The following ARAP3 variants were observed in gnomAD, a reference collection of about 807,000 sequenced individuals.
The protein encoded by ARAP3 is ArfGAP with RhoGAP domain, ankyrin repeat and PH domain 3, also known as arf-GAP with Rho-GAP domain, ANK repeat and PH domain-containing protein 3.
In ARAP3, 82 loss-of-function variants were observed where a neutral mutation model predicts 169.2. That is an observed-to-expected ratio of 0.48 (90% CI 0.41 to 0.58). ARAP3 has a LOEUF of 0.58. Among genes scored for constraint, ARAP3 ranks in the 20% least tolerant of loss-of-function variants. The probability of loss-of-function intolerance (pLI) is 0.00; values close to 1 mark genes in which losing one functional copy is unlikely to be tolerated. For missense variants in ARAP3, 1,764 were observed against 2,018.0 expected, an observed-to-expected ratio of 0.87 and a Z score of 2.41; for synonymous variants, 791 against 800.3, an observed-to-expected ratio of 0.99 and a Z score of 0.20.
chr5:141,664,387 A>G (rs2099910369), intron 19 of ARAP3, among the ~76,000 whole-genome samples: 1 of 152,124 alleles, frequency 6.6e-6, no homozygotes, highest in Non-Finnish European at 1.5e-5. Context: ...CCATCTCAAA[A>G]AAAAAGCAAA....
At position 141,672,537 on chromosome 5, in the gene ARAP3, T is replaced by C. The variant is rs1381453969; in HGVS notation, c.1385+15A>G. 7.4e-6 allele frequency: 12 copies of C among 1,613,494 alleles called. No homozygotes were observed. Among genetic ancestry groups the C allele is most frequent in the Non-Finnish European group, 1.0e-5 (12 of 1,179,748 alleles). Reference sequence around the variant, plus strand: ...AAAGTCCCCCAGCCTTGCCTCCCACTGGCCCAGGCCCCACCTGAAGCAGCG... The same window carrying C: ...AAAGTCCCCCAGCCTTGCCTCCCACCGGCCCAGGCCCCACCTGAAGCAGCG... On this transcript the variant is annotated intron_variant, in intron 9 of 32. Coordinates refer to ENST00000239440, the MANE Select transcript of ARAP3 (RefSeq NM_022481.6). The surrounding 1 kb of genome is among the most constrained non-coding windows in gnomAD (Gnocchi z 4.9).
At chr5:141,665,246 AGGTTGCAGAGTATG>A in intron 18 of ARAP3, 51 bp downstream of exon 18, 1 of 1,593,758 alleles carries the variant, frequency 6.3e-7, no homozygotes, top group Non-Finnish European at 8.6e-7. Context: ...CCAGCAGGCC[AGGTTGCAGAGTATG>A]GGCTCTGCTC....
chr5:141,673,278 ACAT>A, intron 6 of ARAP3, 120 bp downstream of exon 6: 3 of 1,555,738 alleles, frequency 1.9e-6, no homozygotes, highest in Non-Finnish European at 2.6e-6. Flanking sequence ...TTAAATGCTG[ACAT>A]CAGTCATGCA....
intron 6 of ARAP3, 60 bp from the exon 7 acceptor site, chr5:141,673,193 C>G: frequency 6.2e-7 from 1 of 1,609,104 alleles, no homozygotes; most frequent in Non-Finnish European, 8.5e-7. Context: ...GTGCCAGCCC[C>G]TGGGTCCTGC....
intron 4 of ARAP3, 59 bp downstream of exon 4, chr5:141,679,486 C>T (rs185916845): frequency 1.6e-5 from 24 of 1,520,290 alleles, no homozygotes; most frequent in Non-Finnish European, 1.5e-5. Context: ...TAACTGGATA[C>T]ATGGCCGCCA....
In ARAP3 at chr5:141,671,757, G is replaced by A. The variant is rs2154599063; in HGVS notation, c.1672-5C>T. 1 of 1,596,258 alleles carries A rather than the reference G, an allele frequency of 6.3e-7. No individual in the cohort carries two copies. Among genetic ancestry groups the A allele is most frequent in the Middle Eastern group, 1.7e-4 (1 of 5,954 alleles). On this transcript the variant is annotated splice_polypyrimidine_tract_variant and splice_region_variant and intron_variant, in intron 11 of 32. Coordinates refer to ENST00000239440, the MANE Select transcript of ARAP3 (RefSeq NM_022481.6). This position sits in a 1 kb window ranked among gnomAD's most constrained non-coding sequence, Gnocchi z 4.9. ...ATTTCCCAGGACAATGAATAACTGT[G>A]GGATGACAAGGGACAAAGGCAGGTG...
rs535335158 is a variant in ARAP3, at chr5:141,677,870, C to T, written c.698+1675G>A. Among the ~76,000 whole-genome samples the T allele has an allele frequency of 5.3e-4, 80 of 152,072 alleles. No homozygotes were observed. In the Middle Eastern group the frequency reaches 0.01, roughly 19 times the overall value. On this transcript the variant is annotated intron_variant, in intron 4 of 32. Coordinates refer to ENST00000239440, the MANE Select transcript of ARAP3 (RefSeq NM_022481.6). ...CATGATCTTGACTTGCTGCAACCTC[C>T]GCCTCCCGGGTTCAAGTGATTCTCC...
chr5:141,674,766 C>T (rs79066364), intron 4 of ARAP3, among the ~76,000 whole-genome samples: 4,200 of 152,278 alleles, frequency 0.028, 89 homozygotes, highest in Non-Finnish European at 0.046. Flanking sequence ...TATGTCTTGA[C>T]TCTTTGTCCA....
intron 32 of ARAP3, 24 bp downstream of exon 32, chr5:141,655,338 C>T (rs768062603): frequency 1.6e-5 from 25 of 1,567,984 alleles, no homozygotes; most frequent in South Asian, 4.7e-5. Flanking sequence ...ACAGGCACAC[C>T]GCTGGAGCAG....
intron 32 of ARAP3, among the ~76,000 whole-genome samples, chr5:141,654,750 T>G (rs1226000337): frequency 6.6e-6 from 1 of 151,952 alleles, no homozygotes; most frequent in East Asian, 1.9e-4. Context: ...CCTTTTTTTT[T>G]TTTTTTGAGA....
chr5:141,679,443 TG>T, intron 4 of ARAP3, 101 bp downstream of exon 4: 1 of 1,175,434 alleles, frequency 8.5e-7, no homozygotes, highest in Non-Finnish European at 1.2e-6. Context: ...CTTGAGTGCC[TG>T]GCTGGTGAAT....
Position 141,679,965 on chromosome 5 carries a change from G to A in ARAP3, c.522C>T (p.Asp174=), listed in dbSNP as rs770790898. Residue 174 remains aspartate (D), a splice_region_variant and synonymous_variant, in exon 2 of 33, where the codon GAC becomes GAT. Coordinates refer to ENST00000239440, the MANE Select transcript of ARAP3 (RefSeq NM_022481.6). ...CCTAGGGAGCCAACTCCACTCACTT[G>A]TCCTGAGCTGCCTGTGCCCTGCCTC... ...DSRGRAQAAQ[D]KAPDSSQISA... is the part of the protein sequence containing the mutation. 1.2e-6 allele frequency: 2 copies of A among 1,614,138 alleles called. No individual in the cohort carries two copies. Among genetic ancestry groups the A allele is most frequent in the Non-Finnish European group, 1.7e-6 (2 of 1,180,008 alleles).
chr5:141,665,447 A>C, intron 17 of ARAP3, 73 bp from the exon 18 acceptor site: 1 of 1,507,566 alleles, frequency 6.6e-7, no homozygotes, highest in Non-Finnish European at 9.2e-7. Flanking sequence ...TTAAATGCTT[A>C]ACGTGCATAG....
chr5:141,670,438 T>G, intron 14 of ARAP3, 74 bp downstream of exon 14: 1 of 1,451,686 alleles, frequency 6.9e-7, no homozygotes, highest in Non-Finnish European at 9.6e-7. Context: ...CCTCTCCTCT[T>G]TGTCCCTCTG....
In ARAP3 at chr5:141,681,810, G is replaced by GT. The variant is rs759167708; in HGVS notation, c.-18+362_-18+363insA. ...CCAGCATCACTGCTGGCCTCCCTCT[G>GT]CCTCTCTCCAGCTGGGCCTCATTCC... On this transcript the variant is annotated intron_variant, in intron 1 of 32. Coordinates refer to ENST00000239440, the MANE Select transcript of ARAP3 (RefSeq NM_022481.6). Among the ~76,000 whole-genome samples the GT allele has an allele frequency of 2.6e-5, 4 of 152,178 alleles. No homozygotes were observed. The South Asian group carries it at 8.3e-4, about 32-fold the overall frequency.
At position 141,676,598 on chromosome 5, in the gene ARAP3, G is replaced by A. The variant is rs1020489874; in HGVS notation, c.699-2790C>T. 3.9e-5 allele frequency among the ~76,000 whole-genome samples: 6 copies of A among 152,164 alleles called. No homozygotes were observed. In the East Asian group the frequency reaches 5.8e-4, roughly 15 times the overall value. On this transcript the variant is annotated intron_variant, in intron 4 of 32. Coordinates refer to ENST00000239440, the MANE Select transcript of ARAP3 (RefSeq NM_022481.6). ...ACTCAGCAGCAGACCCCTCAGCAGC[G>A]TAGGACACAGCTGGCCTCTCCCTTC... is the stretch of plus-strand genomic sequence containing the variant.
chr5:141,662,018 T>C (rs769200635), intron 20 of ARAP3, 25 bp downstream of exon 20: 3 of 1,613,268 alleles, frequency 1.9e-6, no homozygotes, highest in Non-Finnish European at 2.5e-6. Flanking sequence ...GGTTGGGCCT[T>C]GGCTCTCAGG....
At chr5:141,669,037 CATT>C (rs972912351) in intron 16 of ARAP3, among the ~76,000 whole-genome samples, 4 of 152,164 alleles carry the variant, frequency 2.6e-5, no homozygotes, top group African/African-American at 9.7e-5. Flanking sequence ...TCACTACCAT[CATT>C]ATTATTTCAA....
rs199922413 is a variant in ARAP3, at chr5:141,669,829, T to G, written c.2250-18A>C. The G allele has an allele frequency of 6.2e-7, 1 of 1,612,454 alleles. No homozygotes were observed. The highest frequency in any genetic ancestry group is 1.1e-5 in the South Asian group (1 of 91,022). On this transcript the variant is annotated intron_variant, in intron 15 of 32. Transcript: ENST00000239440. The stretch of plus-strand genomic sequence containing the variant: ...AGGGGAACCTGGAGAGAAGATGAGG[T>G]CAGGGAGGAGGATGGGACCAATGAG...
Sources: gnomAD v4.1 joint callset for allele counts (sites outside exome capture counted in the v4.1 genomes callset) on GRCh38, gnomAD v4.1.1 for gene constraint, Gnocchi (gnomAD v3.1) non-coding constraint, MANE v1.5 for transcripts, NCBI Gene and HGNC (gene_info 2026-07-23, HGNC 2026-07-21) for gene names.